The following HERC3 variants were observed in gnomAD, a reference collection of about 807,000 sequenced individuals.
The protein encoded by HERC3 is HECT and RLD domain containing E3 ubiquitin protein ligase 3, also known as probable E3 ubiquitin-protein ligase HERC3.
A neutral mutation model predicts 129.9 loss-of-function variants in HERC3; 58 were observed. The observed-to-expected ratio is 0.45, with a 90% CI of 0.36 to 0.56. The LOEUF is 0.56. Ranked by LOEUF, HERC3 falls within the 20% of genes least tolerant of loss-of-function variation. The pLI is 0.00. For missense variants in HERC3, 835 were observed against 1,244.2 expected, an observed-to-expected ratio of 0.67 and a Z score of 4.95; for synonymous variants, 430 against 451.0, an observed-to-expected ratio of 0.95 and a Z score of 0.59.
intron 2 of HERC3, among the ~76,000 whole-genome samples, chr4:88,596,931 G>A (rs1309994739): frequency 6.6e-6 from 1 of 152,160 alleles, no homozygotes; most frequent in Admixed American, 6.5e-5. Flanking sequence ...TTGTAAAAAT[G>A]CATCATACTC....
rs1299879059 is a variant in HERC3 at position 88,632,190 on chromosome 4, G to A, written c.227-17650G>A. 3.9e-5 allele frequency among the ~76,000 whole-genome samples: 6 copies of A among 152,154 alleles called. No individual in the cohort carries two copies. In the East Asian group the frequency reaches 7.7e-4, roughly 20 times the overall value. The stretch of plus-strand genomic sequence containing the variant: ...TGGCTCACCTCTGTGTTCTGCATGC[G>A]TGGATTTATTCTACTTAGCATATAA... On this transcript the variant is annotated intron_variant, in intron 3 of 25. Coordinates refer to ENST00000402738, the MANE Select transcript of HERC3 (RefSeq NM_014606.3).
chr4:88,582,981 C>G, the HERC3 span, among the ~76,000 whole-genome samples: 1 of 152,186 alleles, frequency 6.6e-6, no homozygotes, highest in Non-Finnish European at 1.5e-5. Context: ...TGCACATGTA[C>G]ACATTAATAA....
the HERC3 span, among the ~76,000 whole-genome samples, chr4:88,558,071 CAAAAAAAAAAAAAAA>C: frequency 7.7e-5 from 3 of 39,158 alleles, no homozygotes; most frequent in South Asian, 4.5e-3. Flanking sequence ...GACTCTGACT[CAAAAAAAAAAAAAAA>C]AAAAAAAAAG....
chr4:88,562,586 T>G, the HERC3 span, among the ~76,000 whole-genome samples: 5 of 152,234 alleles, frequency 3.3e-5, no homozygotes, highest in African/African-American at 1.2e-4. Flanking sequence ...CAGACCAATG[T>G]CCTGGAGAGT....
chr4:88,548,927 C>T, the HERC3 span, among the ~76,000 whole-genome samples: 1 of 152,192 alleles, frequency 6.6e-6, no homozygotes, highest in African/African-American at 2.4e-5. Context: ...TCCCAAACTG[C>T]TGGGATTACA....
chr4:88,603,559 AG>A (rs949555287), intron 2 of HERC3, among the ~76,000 whole-genome samples: 12 of 152,156 alleles, frequency 7.9e-5, no homozygotes, highest in African/African-American at 2.9e-4. Context: ...CTGTTTTATA[AG>A]GCATGCTTGG....
intron 11 of HERC3, among the ~76,000 whole-genome samples, chr4:88,663,016 A>C (rs1045295300): frequency 1.3e-5 from 2 of 151,992 alleles, no homozygotes; most frequent in African/African-American, 4.8e-5. Context: ...AAAAAAAACA[A>C]CAGTAAGTAG....
chr4:88,691,395 A>T, intron 23 of HERC3, among the ~76,000 whole-genome samples: 1 of 152,370 alleles, frequency 6.6e-6, no homozygotes, highest in Non-Finnish European at 1.5e-5. Context: ...TGGATGGCTT[A>T]TAAACAACAC....
the HERC3 span, among the ~76,000 whole-genome samples, chr4:88,542,699 T>G: frequency 1.4e-3 from 216 of 152,208 alleles, 1 homozygote; most frequent in Admixed American, 3.3e-3. Flanking sequence ...TAAAATACTG[T>G]GAAACCAAAT....
chr4:88,686,836 C>G (rs1444299235), intron 22 of HERC3, 34 bp downstream of exon 22: 2 of 1,449,822 alleles, frequency 1.4e-6, no homozygotes, highest in Admixed American at 3.3e-5. Context: ...AGGATTGTGG[C>G]TGTCTCTCTT....
At chr4:88,586,612 G>T in the HERC3 span, among the ~76,000 whole-genome samples, 1 of 151,996 alleles carries the variant, frequency 6.6e-6, no homozygotes, top group Non-Finnish European at 1.5e-5. Context: ...ACCCGCCTCC[G>T]CCTCCCAAAG....
At chr4:88,560,036 T>G in the HERC3 span, among the ~76,000 whole-genome samples, 1 of 151,418 alleles carries the variant, frequency 6.6e-6, no homozygotes, top group Non-Finnish European at 1.5e-5. Context: ...CTTGGCTCAC[T>G]GCAACCTCCA....
At chr4:88,605,682 T>G (rs1286299581) in intron 2 of HERC3, 113 bp from the exon 3 acceptor site, 1 of 593,454 alleles carries the variant, frequency 1.7e-6, no homozygotes, top group African/African-American at 1.9e-5. Context: ...TTGTAAGATA[T>G]CTGAAGAATA....
At chr4:88,580,575 A>C in the HERC3 span, among the ~76,000 whole-genome samples, 1 of 152,184 alleles carries the variant, frequency 6.6e-6, no homozygotes, top group Admixed American at 6.6e-5. Context: ...GATGAATTCA[A>C]TTCTATATAC....
At chr4:88,548,959 C>A in the HERC3 span, among the ~76,000 whole-genome samples, 28 of 152,258 alleles carry the variant, frequency 1.8e-4, no homozygotes, top group African/African-American at 6.5e-4. Context: ...CTGCGCCCGG[C>A]CCATCTTTTC....
chr4:88,578,601 AG>A, the HERC3 span, among the ~76,000 whole-genome samples: 1 of 151,234 alleles, frequency 6.6e-6, no homozygotes, highest in Non-Finnish European at 1.5e-5. Flanking sequence ...AAAAAGAAAT[AG>A]TCAGAATCTT....
At chr4:88,622,673 G>A (rs1286019678) in intron 3 of HERC3, among the ~76,000 whole-genome samples, 2 of 152,212 alleles carry the variant, frequency 1.3e-5, no homozygotes, top group African/African-American at 2.4e-5. Context: ...GCTCACGCCT[G>A]TAATCCCAGC....
intron 25 of HERC3, among the ~76,000 whole-genome samples, chr4:88,705,639 A>G (rs1337893126): frequency 6.6e-6 from 1 of 152,244 alleles, no homozygotes; most frequent in Non-Finnish European, 1.5e-5. Context: ...ATTCTAATTT[A>G]CATGAACAAA....
intron 3 of HERC3, among the ~76,000 whole-genome samples, chr4:88,648,628 A>C (rs1200506583): frequency 6.6e-6 from 1 of 152,072 alleles, no homozygotes; most frequent in East Asian, 1.9e-4. Context: ...CTTTCTTGTT[A>C]TTCTGAAATT....
Sources: gnomAD v4.1 joint callset for allele counts (sites outside exome capture counted in the v4.1 genomes callset) on GRCh38, gnomAD v4.1.1 for gene constraint, MANE v1.5 for transcripts, NCBI Gene and HGNC (gene_info 2026-07-23, HGNC 2026-07-21) for gene names.